Variants in CFAP20DC observed in about 807,000 individuals in gnomAD.
CFAP20DC encodes the protein protein CFAP20DC.
A neutral mutation model predicts 101.7 loss-of-function variants in CFAP20DC; 84 were observed. The ratio of observed to expected loss-of-function variants is 0.83; its 90% CI spans 0.69 to 0.99. The LOEUF (loss-of-function observed/expected upper bound fraction) is 0.99, where lower values mean the gene tolerates loss of function less well. CFAP20DC is among the 50% of genes least tolerant of loss of function. The pLI is 0.00. For missense variants in CFAP20DC, 1,007 were observed against 970.3 expected (o/e 1.04, Z -0.50); for synonymous variants, 359 against 351.2 (o/e 1.02, Z -0.25).
chr3:58,753,357 T>C (rs2068704813), intron 16 of CFAP20DC, among the ~76,000 whole-genome samples: 1 of 152,204 alleles, frequency 6.6e-6, no homozygotes, highest in Non-Finnish European at 1.5e-5. Flanking sequence ...AAGTGCTTCA[T>C]ATACAGCACC....
At chr3:59,038,705 T>A (rs2094146221) in intron 4 of CFAP20DC, among the ~76,000 whole-genome samples, 1 of 152,134 alleles carries the variant, frequency 6.6e-6, no homozygotes. Flanking sequence ...TGGGGTGCCA[T>A]GAACAAACCC....
At chr3:58,850,488 T>C (rs1025853098) in intron 12 of CFAP20DC, among the ~76,000 whole-genome samples, 4 of 151,124 alleles carry the variant, frequency 2.6e-5, no homozygotes, top group African/African-American at 9.7e-5. Flanking sequence ...CTCGGGAGAC[T>C]GAGGCAGGAG....
chr3:58,842,198 C>T (rs1575855344), intron 13 of CFAP20DC, among the ~76,000 whole-genome samples: 2 of 152,322 alleles, frequency 1.3e-5, no homozygotes, highest in South Asian at 4.1e-4. Context: ...CGGTCTACAG[C>T]TCCCAGCGTG....
intron 15 of CFAP20DC, among the ~76,000 whole-genome samples, chr3:58,798,623 A>G (rs1361921810): frequency 6.6e-6 from 1 of 152,226 alleles, no homozygotes; most frequent in Admixed American, 6.5e-5. Flanking sequence ...CAATTTTGAA[A>G]GAAGTTCTAC....
chr3:59,048,926 C>A (rs1023142862), intron 1 of CFAP20DC, among the ~76,000 whole-genome samples: 4 of 152,086 alleles, frequency 2.6e-5, no homozygotes, highest in African/African-American at 9.7e-5. Flanking sequence ...TGACTGAGGA[C>A]GACCCAGAAG....
At position 58,795,253 on chromosome 3, in the gene CFAP20DC, C is replaced by T. The variant is rs1016521543; in HGVS notation, c.2237+11142G>A. Among the ~76,000 whole-genome samples, 3 of 152,154 alleles carry T rather than the reference C, an allele frequency of 2.0e-5. No individual in the cohort carries two copies. The highest frequency in any genetic ancestry group is 2.0e-4 in the Admixed American group (3 of 15,276). On this transcript the variant is annotated intron_variant, in intron 15 of 16. Coordinates refer to ENST00000482387, the MANE Select transcript of CFAP20DC (RefSeq NM_001394063.1). The surrounding 1 kb of genome is among the most constrained non-coding windows in gnomAD (Gnocchi z 4.2). ...TTACCTTCTTTAACTGGATTGTGGG[C>T]CAAAGGTAATCTGAGTTCAGCATCT... is the stretch of plus-strand genomic sequence containing the variant.
Position 58,914,702 on chromosome 3 carries a change from T to C in CFAP20DC, c.394-838A>G, listed in dbSNP as rs981085627. ...AATATATATATATATATTTTTTTTC[T>C]TTTTTTTAAAGACAAATCTTATATA... On this transcript the variant is annotated intron_variant, in intron 5 of 16. Coordinates refer to ENST00000482387, the MANE Select transcript of CFAP20DC (RefSeq NM_001394063.1). This position sits in a 1 kb window ranked among gnomAD's most constrained non-coding sequence, Gnocchi z 4.9. Among the ~76,000 whole-genome samples the C allele has an allele frequency of 6.7e-6, 1 of 149,844 alleles. No homozygotes were observed. The highest frequency in any genetic ancestry group is 2.4e-5 in the African/African-American group (1 of 40,970).
intron 5 of CFAP20DC, among the ~76,000 whole-genome samples, 176 bp downstream of exon 5, chr3:58,937,472 C>T (rs569684184): frequency 1.3e-5 from 2 of 152,260 alleles, no homozygotes; most frequent in South Asian, 2.1e-4. Context: ...CAAATAATTA[C>T]GTTATTCCAC....
Position 58,820,017 on chromosome 3 carries a change from T to C in CFAP20DC, c.2175+11669A>G, listed in dbSNP as rs1217131181. ...GCAAATCAATAAATGTAATCCAGCA[T>C]ATAAACAGAGCCAAAGACAAAAACC... On this transcript the variant is annotated intron_variant, in intron 14 of 16. Transcript: ENST00000482387. Among the ~76,000 whole-genome samples, 739 of 145,952 alleles carry C rather than the reference T, an allele frequency of 5.1e-3. 3 individuals carry two copies. Among genetic ancestry groups the C allele is most frequent in the Non-Finnish European group, 8.5e-3 (560 of 66,108 alleles).
At chr3:58,902,393 C>T (rs910254794) in intron 6 of CFAP20DC, among the ~76,000 whole-genome samples, 1 of 152,108 alleles carries the variant, frequency 6.6e-6, no homozygotes, top group African/African-American at 2.4e-5. Context: ...AGCGGGTGAA[C>T]GATTTTATGT....
chr3:58,890,303 G>A (rs543553370), intron 6 of CFAP20DC, among the ~76,000 whole-genome samples: 22 of 141,746 alleles, frequency 1.6e-4, no homozygotes, highest in Middle Eastern at 8.2e-3. Context: ...CTGTCCGGGC[G>A]GGGGGCTGAC....
At chr3:59,043,292 G>C (rs1699561742) in intron 3 of CFAP20DC, among the ~76,000 whole-genome samples, 1 of 152,072 alleles carries the variant, frequency 6.6e-6, no homozygotes. Context: ...GGCTAAGAAA[G>C]AAGAACAGTG....
chr3:58,933,142 C>G (rs1290049274), intron 5 of CFAP20DC, among the ~76,000 whole-genome samples: 1 of 152,008 alleles, frequency 6.6e-6, no homozygotes, highest in Non-Finnish European at 1.5e-5. Context: ...ATAAAACAGA[C>G]TTTAAACCAA....
At chr3:58,845,251 T>C (rs1334278628) in intron 13 of CFAP20DC, among the ~76,000 whole-genome samples, 2 of 150,640 alleles carry the variant, frequency 1.3e-5, no homozygotes, top group Admixed American at 6.6e-5. Context: ...ATCAACAAAA[T>C]TGATAGACCT....
chr3:58,926,595 C>G (rs1041167020), intron 5 of CFAP20DC, among the ~76,000 whole-genome samples: 4 of 152,084 alleles, frequency 2.6e-5, no homozygotes, highest in South Asian at 4.1e-4. Context: ...CAATGACACT[C>G]AAAAAATTAA....
intron 4 of CFAP20DC, among the ~76,000 whole-genome samples, chr3:58,989,742 T>A (rs919254667): frequency 6.6e-6 from 1 of 152,174 alleles, no homozygotes; most frequent in Non-Finnish European, 1.5e-5. Context: ...ATGTAAAAAA[T>A]TTAAATGGCA....
At chr3:58,835,731 G>A (rs919601023) in intron 13 of CFAP20DC, among the ~76,000 whole-genome samples, 1 of 152,126 alleles carries the variant, frequency 6.6e-6, no homozygotes, top group African/African-American at 2.4e-5. Context: ...ACTTAGTCCT[G>A]CGAAATGTTT....
intron 14 of CFAP20DC, among the ~76,000 whole-genome samples, chr3:58,809,759 C>G (rs994959790): frequency 2.0e-5 from 3 of 152,024 alleles, no homozygotes; most frequent in African/African-American, 7.2e-5. Context: ...TTAATGAATC[C>G]AGGAGCTGGT....
At chr3:58,948,042 T>C (rs527612187) in intron 4 of CFAP20DC, among the ~76,000 whole-genome samples, 6 of 152,276 alleles carry the variant, frequency 3.9e-5, no homozygotes, top group African/African-American at 1.4e-4. Context: ...CTTGGGTCCA[T>C]GGGTGAAGTG....
Sources: gnomAD v4.1 joint callset for allele counts (sites outside exome capture counted in the v4.1 genomes callset) on GRCh38, gnomAD v4.1.1 for gene constraint, Gnocchi (gnomAD v3.1) non-coding constraint, MANE v1.5 for transcripts, NCBI Gene and HGNC (gene_info 2026-07-23, HGNC 2026-07-21) for gene names.